The following MALRD1 variants were observed in gnomAD, a reference collection of about 807,000 sequenced individuals.
The protein encoded by MALRD1 is MAM and LDL receptor class A domain containing 1, also known as MAM and LDL-receptor class A domain-containing protein 1.
A neutral mutation model predicts 242.1 loss-of-function variants in MALRD1; 247 were observed. The observed-to-expected ratio is 1.02, with a 90% CI of 0.92 to 1.13. MALRD1 has a LOEUF of 1.13. Among genes scored for constraint, MALRD1 ranks in the 50% most tolerant of loss-of-function variants. The pLI is 0.00. For synonymous variants in MALRD1, 995 were observed against 866.6 expected (o/e 1.15, Z -2.60); for missense variants, 2,989 against 2,533.1 (o/e 1.18, Z -3.86).
At chr10:19,133,702 C>CT (rs1419883104) in intron 8 of MALRD1, among the ~76,000 whole-genome samples, 154 bp from the exon 9 acceptor site, 2 of 152,066 alleles carry the variant, frequency 1.3e-5, no homozygotes, top group Middle Eastern at 3.4e-3. Flanking sequence ...TGATATTCAG[C>CT]TTTTTCAATT....
chr10:19,479,048 C>G (rs533128442), intron 29 of MALRD1, among the ~76,000 whole-genome samples: 1 of 152,230 alleles, frequency 6.6e-6, no homozygotes, highest in Non-Finnish European at 1.5e-5. Flanking sequence ...AATGGTGAAG[C>G]CAGCCCAAGC....
At chr10:19,580,895 C>T (rs765168019) in intron 33 of MALRD1, among the ~76,000 whole-genome samples, 44 of 152,050 alleles carry the variant, frequency 2.9e-4, no homozygotes, top group Admixed American at 5.2e-4. Flanking sequence ...TGTGTACTTT[C>T]CCACGCATGC....
chr10:19,164,099 A>G (rs1039107560), intron 12 of MALRD1, among the ~76,000 whole-genome samples: 1 of 152,202 alleles, frequency 6.6e-6, no homozygotes, highest in African/African-American at 2.4e-5. Flanking sequence ...TTAATTAAAC[A>G]TTTCCATTAT....
intron 18 of MALRD1, among the ~76,000 whole-genome samples, chr10:19,248,391 GAAAA>G (rs35675203): frequency 7.3e-6 from 1 of 137,568 alleles, no homozygotes; most frequent in African/African-American, 2.6e-5. Context: ...AAGGTGCCAT[GAAAA>G]AAAAAAAATA....
chr10:19,596,347 C>T (rs1239725330), intron 34 of MALRD1, among the ~76,000 whole-genome samples: 1 of 151,926 alleles, frequency 6.6e-6, no homozygotes. Flanking sequence ...TGGATGAGTG[C>T]TGCAGTGATA....
chr10:19,450,092 C>A (rs2131036419), intron 28 of MALRD1, among the ~76,000 whole-genome samples: 1 of 152,268 alleles, frequency 6.6e-6, no homozygotes, highest in South Asian at 2.1e-4. Context: ...GCCCTTAGTG[C>A]TTTCCCCGAC....
At chr10:19,693,121 C>T (rs954240209) in intron 38 of MALRD1, among the ~76,000 whole-genome samples, 2 of 151,878 alleles carry the variant, frequency 1.3e-5, no homozygotes, top group African/African-American at 4.8e-5. Flanking sequence ...CAATATCATA[C>T]TGAATGGGCA....
At chr10:19,467,035 C>A (rs1296124195) in intron 29 of MALRD1, among the ~76,000 whole-genome samples, 2 of 152,030 alleles carry the variant, frequency 1.3e-5, no homozygotes, top group East Asian at 3.9e-4. Context: ...ATTACTGCTC[C>A]ACCCTTAGGG....
intron 21 of MALRD1, among the ~76,000 whole-genome samples, chr10:19,319,001 A>T (rs1313905412): frequency 4.7e-5 from 7 of 148,820 alleles, no homozygotes; most frequent in African/African-American, 1.7e-4. Context: ...ACACACACAC[A>T]CACAGTTGAA....
intron 19 of MALRD1, among the ~76,000 whole-genome samples, chr10:19,261,786 G>A (rs1185801599): frequency 5.9e-5 from 7 of 118,778 alleles, no homozygotes; most frequent in South Asian, 5.3e-4. Flanking sequence ...TTTTCCCCTC[G>A]TGCCTGCCTT....
rs141905116 is a variant in MALRD1, at chr10:19,268,040, C to T, written c.3079+10269C>T. ...AAACTTTTACATTGTTTCACATTCTCTCTTAATTGAGAGAAATGCTAAATG... is the reference window on the plus strand; with the variant it reads ...AAACTTTTACATTGTTTCACATTCTTTCTTAATTGAGAGAAATGCTAAATG... On this transcript the variant is annotated intron_variant, in intron 19 of 39. Transcript: ENST00000454679. 1.9e-3 allele frequency among the ~76,000 whole-genome samples: 284 copies of T among 152,150 alleles called. 2 individuals are homozygous for T. Among genetic ancestry groups the T allele is most frequent in the African/African-American group, 6.5e-3 (268 of 41,526 alleles).
At chr10:19,696,642 C>T (rs1833389297) in intron 38 of MALRD1, among the ~76,000 whole-genome samples, 1 of 152,004 alleles carries the variant, frequency 6.6e-6, no homozygotes, top group Non-Finnish European at 1.5e-5. Context: ...CACAGTGGCT[C>T]ATAACTGTAA....
chr10:19,727,811 T>C (rs1218446018), intron 38 of MALRD1, among the ~76,000 whole-genome samples: 1 of 152,068 alleles, frequency 6.6e-6, no homozygotes, highest in Non-Finnish European at 1.5e-5. Context: ...ATTACACCAT[T>C]GAGTTTCAGA....
intron 27 of MALRD1, among the ~76,000 whole-genome samples, chr10:19,388,301 G>C (rs1382316778): frequency 2.0e-5 from 3 of 152,154 alleles, no homozygotes; most frequent in Non-Finnish European, 4.4e-5. Flanking sequence ...ACTGGGGTTA[G>C]AACTCTGGCA....
rs1003124270 is a variant in MALRD1 at position 19,136,508 on chromosome 10, C to T, written c.1204-66C>T. On this transcript the variant is annotated intron_variant, in intron 9 of 39. Coordinates refer to ENST00000454679, the MANE Select transcript of MALRD1 (RefSeq NM_001142308.3). ...CAATAACTACTTTGTCTTTATCAAC[C>T]TTCTTTAGTTTTTTGTCTTATTAAG... 8.7e-6 allele frequency: 8 copies of T among 915,126 alleles called. No individual in the cohort carries two copies. The African/African-American group carries it at 1.4e-4, about 16-fold the overall frequency. The allele number at this position is 915,126 out of a possible 1,614,324, so 56.7% of individuals were successfully genotyped here. A position where few individuals can be genotyped will look rare whatever the true frequency, so the allele number is the denominator to read the frequency against.
intron 18 of MALRD1, among the ~76,000 whole-genome samples, chr10:19,243,723 T>G (rs10827136): frequency 0.23 from 34,850 of 152,010 alleles, 4,190 homozygotes; most frequent in Admixed American, 0.34. Flanking sequence ...TAACTTAAAG[T>G]TATGATGGGA....
At chr10:19,162,362 T>C (rs902833845) in intron 12 of MALRD1, among the ~76,000 whole-genome samples, 1 of 152,228 alleles carries the variant, frequency 6.6e-6, no homozygotes, top group African/African-American at 2.4e-5. Context: ...GACAGTCTAC[T>C]CATTTCTTTC....
At chr10:19,448,039 A>T (rs1261633081) in intron 28 of MALRD1, among the ~76,000 whole-genome samples, 1 of 152,180 alleles carries the variant, frequency 6.6e-6, no homozygotes. Context: ...GCTCTCGGTA[A>T]CCATGGAGAG....
chr10:19,720,777 A>G (rs1336967284), intron 38 of MALRD1, among the ~76,000 whole-genome samples: 4 of 152,324 alleles, frequency 2.6e-5, no homozygotes, highest in Middle Eastern at 3.4e-3. Flanking sequence ...ATTAAAATTT[A>G]TGATTACTTT....
Sources: gnomAD v4.1 joint callset for allele counts (sites outside exome capture counted in the v4.1 genomes callset) on GRCh38, gnomAD v4.1.1 for gene constraint, MANE v1.5 for transcripts, NCBI Gene and HGNC (gene_info 2026-07-23, HGNC 2026-07-21) for gene names.